The following GNAS variants were observed in gnomAD, a reference collection of about 807,000 sequenced individuals.
The protein encoded by GNAS is GNAS complex locus.
Under a neutral mutation model 54.5 loss-of-function variants are expected in GNAS, and 8 were observed. That is an observed-to-expected ratio of 0.15 (90% CI 0.09 to 0.26). The LOEUF is 0.26. GNAS is among the 10% of genes least tolerant of loss of function. The pLI is 1.00. For missense variants in GNAS, 170 were observed against 529.8 expected (o/e 0.32, Z 6.67); for synonymous variants, 204 against 191.4 (o/e 1.07, Z -0.54).
intron 1 of GNAS, chr20:58,855,569 C>T: frequency 1.4e-6 from 1 of 717,954 alleles, no homozygotes; most frequent in Non-Finnish European, 2.6e-6. Context: ...AAAGTGGTGC[C>T]GAGCGACACT....
rs1173296507 is a variant in GNAS at position 58,841,264 on chromosome 20, C to T, written c.43+378C>T. On this transcript the variant is annotated intron_variant, in intron 1 of 12. Transcript: ENST00000306090. This position sits in a 1 kb window ranked among gnomAD's most constrained non-coding sequence, Gnocchi z 5.0. Reference sequence around the variant, plus strand: ...CGCGCTTTTCTTCCTCCTAGAAAGACTAGTCTCAAATAAGTTGGCCTTCTC... The same window carrying T: ...CGCGCTTTTCTTCCTCCTAGAAAGATTAGTCTCAAATAAGTTGGCCTTCTC... 12 of 996,890 alleles carry T rather than the reference C, an allele frequency of 1.2e-5. No homozygotes were observed. The highest frequency in any genetic ancestry group is 1.5e-5 in the Non-Finnish European group (12 of 805,562). The allele number at this position is 996,890 out of a possible 1,614,324, so 61.8% of individuals were successfully genotyped here. A position where few individuals can be genotyped will look rare whatever the true frequency, so the allele number is the denominator to read the frequency against.
intron 1 of GNAS, among the ~76,000 whole-genome samples, chr20:58,893,579 GT>G (rs2089742494): frequency 6.6e-6 from 1 of 152,152 alleles, no homozygotes; most frequent in East Asian, 1.9e-4. Flanking sequence ...GTTCTCCTGG[GT>G]CCAGATTTAT....
rs146603497 is a variant in GNAS, at chr20:58,861,728, G to A, written c.43+20842G>A. Among the ~76,000 whole-genome samples, 44 of 152,250 alleles carry A rather than the reference G, an allele frequency of 2.9e-4. No homozygotes were observed. The East Asian group carries it at 6.6e-3, about 23-fold the overall frequency. On this transcript the variant is annotated intron_variant, in intron 1 of 12. Coordinates refer to the GNAS transcript ENST00000306090. ...GATATATTCTTTTTTTTATTGAGAC[G>A]GAGTTTTGCTCTTGTTGCGCAGGCT...
rs1223934693 is a variant in GNAS, at chr20:58,905,363, T to C, written c.433-20T>C. On this transcript the variant is annotated intron_variant, in intron 5 of 12. Transcript: ENST00000371085. ...TTCAAGCTCTTGCCTTTCTCTAAACTTTCTTGTGTTCACTTTCAGGAATTC... is the reference window on the plus strand; with the variant it reads ...TTCAAGCTCTTGCCTTTCTCTAAACCTTCTTGTGTTCACTTTCAGGAATTC... 2 of 1,412,412 alleles carry C rather than the reference T, an allele frequency of 1.4e-6. No homozygotes were observed. The highest frequency in any genetic ancestry group is 3.3e-5 in the Admixed American group (2 of 59,784). 87.5% of individuals were successfully genotyped at this position (1,412,412 alleles called of 1,614,324 possible).
chr20:58,847,463 T>C (rs112876139), intron 1 of GNAS, among the ~76,000 whole-genome samples: 359 of 152,364 alleles, frequency 2.4e-3, no homozygotes, highest in African/African-American at 7.9e-3. Context: ...TAATTAATTG[T>C]ACAGCTTCAA....
In GNAS at chr20:58,850,797, T is replaced by C. The variant is rs896347854; in HGVS notation, c.43+9911T>C. ...ATGAGGAAGAGTGACCCCACGGCGC[T>C]AGCGGTCCTCGTGGTCTTCCAGGCC... is the stretch of plus-strand genomic sequence containing the variant. On this transcript the variant is annotated intron_variant, in intron 1 of 12. Coordinates refer to the GNAS transcript ENST00000306090. 7.5e-6 allele frequency: 3 copies of C among 398,690 alleles called. No homozygotes were observed. In the Admixed American group the frequency reaches 1.3e-4, roughly 18 times the overall value. The allele number at this position is 398,690 out of a possible 1,614,324, so 24.7% of individuals were successfully genotyped here.
At chr20:58,901,475 G>A (rs2090594053) in intron 3 of GNAS, among the ~76,000 whole-genome samples, 1 of 152,128 alleles carries the variant, frequency 6.6e-6, no homozygotes, top group Admixed American at 6.5e-5. Flanking sequence ...TCACCTCCCT[G>A]TCATCTGTGT....
intron 1 of GNAS, chr20:58,844,041 G>A (rs887861778): frequency 7.9e-5 from 12 of 152,252 alleles, no homozygotes; most frequent in African/African-American, 2.2e-4. Context: ...TGTGTGGAAG[G>A]TTAAGGAGGA....
intron 3 of GNAS, chr20:58,900,118 T>C (rs553230619): frequency 2.1e-5 from 12 of 569,516 alleles, no homozygotes; most frequent in Non-Finnish European, 3.8e-5. Context: ...TAAACGATGA[T>C]TGAAAAAACG....
chr20:58,867,211 A>G (rs942557024), intron 1 of GNAS, among the ~76,000 whole-genome samples: 13 of 152,234 alleles, frequency 8.5e-5, no homozygotes, highest in Admixed American at 2.0e-4. Context: ...ACCCAAAAAC[A>G]AATGCCAGAC....
At chr20:58,888,100 CTT>C (rs1339695480), upstream of GNAS, among the ~76,000 whole-genome samples, 1 of 152,218 alleles carries the variant, frequency 6.6e-6, no homozygotes, top group Non-Finnish European at 1.5e-5. Context: ...TATAGGTAGA[CTT>C]TTCTTTTTTC....
upstream of GNAS, chr20:58,890,698 A>T (rs560083941): frequency 4.6e-5 from 7 of 151,020 alleles, no homozygotes; most frequent in African/African-American, 1.7e-4. Context: ...GGCTCGGGCC[A>T]TGGCGCCCGG....
chr20:58,853,424 G>T lies in GNAS; in HGVS notation c.43+12538G>T. On this transcript the variant is annotated intron_variant, in intron 1 of 12. Transcript: ENST00000306090. The surrounding 1 kb of genome is among the most constrained non-coding windows in gnomAD (Gnocchi z 4.4). ...CAGCCGAAGAGATGGAGACCGAACC[G>T]CCTCACAACGAGCCCATCCCCGTCG... The T allele has an allele frequency of 1.9e-6, 3 of 1,598,672 alleles. No individual in the cohort carries two copies. Among genetic ancestry groups the T allele is most frequent in the Non-Finnish European group, 2.6e-6 (3 of 1,172,986 alleles).
At chr20:58,854,754 C>T (rs1339328270) in intron 1 of GNAS, 3 of 1,547,032 alleles carry the variant, frequency 1.9e-6, no homozygotes, top group African/African-American at 2.7e-5. Context: ...CGCAGGGGCT[C>T]CCACTGCCCC....
chr20:58,904,727 A>G (rs1228296620), intron 5 of GNAS, among the ~76,000 whole-genome samples: 1 of 152,248 alleles, frequency 6.6e-6, no homozygotes, highest in Admixed American at 6.5e-5. Flanking sequence ...TATAGTTAGT[A>G]TGGATAGCTA....
At chr20:58,881,440 T>A (rs6026574) in intron 1 of GNAS, among the ~76,000 whole-genome samples, 94,669 of 152,022 alleles carry the variant, frequency 0.62, 30,040 homozygotes, top group South Asian at 0.72. Flanking sequence ...AAGCTTCCTC[T>A]GTGATAAGTC....
chr20:58,869,086 TTAAC>T (rs1332759000), intron 1 of GNAS, among the ~76,000 whole-genome samples: 7 of 152,168 alleles, frequency 4.6e-5, no homozygotes, highest in Admixed American at 4.6e-4. Context: ...CCGGCAACTT[TTAAC>T]GAGTGGATCT....
chr20:58,911,152 A>G lies in GNAS; in HGVS notation c.*323A>G, dbSNP rs1291129086. ...TGAAATAAATATTGTGTTGTGCAGC[A>G]TTAAAAAAAATCAAAATAAAAATTA... On this transcript the variant is annotated 3_prime_UTR_variant, in exon 13 of 13. Transcript: ENST00000371085. 32 of 504,690 alleles carry G rather than the reference A, an allele frequency of 6.3e-5. No homozygotes were observed. The highest frequency in any genetic ancestry group is 1.5e-5 in the Non-Finnish European group (4 of 272,196). The allele number at this position is 504,690 out of a possible 1,614,324, so 31.3% of individuals were successfully genotyped here. A position where few individuals can be genotyped will look rare whatever the true frequency, so the allele number is the denominator to read the frequency against.
In GNAS at chr20:58,853,000, G is replaced by T. The variant is rs138274594; in HGVS notation, c.43+12114G>T. 1,312 of 1,275,480 alleles carry T rather than the reference G, an allele frequency of 1.0e-3. 7 individuals are homozygous for T. The African/African-American group carries it at 0.013, about 13-fold the overall frequency. 79.0% of individuals were successfully genotyped at this position (1,275,480 alleles called of 1,614,324 possible). On this transcript the variant is annotated intron_variant, in intron 1 of 12. Coordinates refer to the GNAS transcript ENST00000306090. ...GGCGTAAGGATAGACCAAGGAAGAG[G>T]GGCTGGGGGGCAGCCTGGGGGCATG...
Sources: gnomAD v4.1 joint callset for allele counts (sites outside exome capture counted in the v4.1 genomes callset) on GRCh38, gnomAD v4.1.1 for gene constraint, Gnocchi (gnomAD v3.1) non-coding constraint, MANE v1.5 for transcripts, NCBI Gene and HGNC (gene_info 2026-07-23, HGNC 2026-07-21) for gene names.